The following KLF12 variants were observed in gnomAD, a reference collection of about 807,000 sequenced individuals.
KLF12 encodes the protein KLF transcription factor 12, also known as Krueppel-like factor 12.
A neutral mutation model predicts 37.8 loss-of-function variants in KLF12; 9 were observed. The observed-to-expected ratio is 0.24, with a 90% CI of 0.14 to 0.42. KLF12 has a LOEUF of 0.42. Among genes scored for constraint, KLF12 ranks in the 10% least tolerant of loss-of-function variants. The probability of loss-of-function intolerance (pLI) is 1.00; values close to 1 mark genes in which losing one functional copy is unlikely to be tolerated. For synonymous variants in KLF12, 208 were observed against 202.1 expected (o/e 1.03, Z -0.25); for missense variants, 411 against 516.0 (o/e 0.80, Z 1.97).
the KLF12 span, among the ~76,000 whole-genome samples, chr13:74,253,241 C>T: frequency 2.6e-5 from 4 of 152,078 alleles, no homozygotes; most frequent in African/African-American, 9.7e-5. Context: ...TTAACATTAC[C>T]TATATAGAGG....
At chr13:73,812,552 A>C (rs796224862) in intron 5 of KLF12, among the ~76,000 whole-genome samples, 9 of 142,992 alleles carry the variant, frequency 6.3e-5, no homozygotes, top group African/African-American at 2.7e-4. Context: ...ACAAAAAAAA[A>C]CATGGATTTT....
chr13:74,146,288 C>A, the KLF12 span, among the ~76,000 whole-genome samples: 1 of 152,162 alleles, frequency 6.6e-6, no homozygotes, highest in East Asian at 1.9e-4. Context: ...ATGTTGTTGA[C>A]CTTCACTAAG....
At chr13:74,274,691 T>A in the KLF12 span, among the ~76,000 whole-genome samples, 1 of 152,122 alleles carries the variant, frequency 6.6e-6, no homozygotes, top group Admixed American at 6.6e-5. Context: ...ACTTCTTTTT[T>A]TTTTTATAAT....
At chr13:74,242,724 CT>C in the KLF12 span, among the ~76,000 whole-genome samples, 5 of 152,134 alleles carry the variant, frequency 3.3e-5, no homozygotes, top group Non-Finnish European at 7.4e-5. Flanking sequence ...CTTGAGCATC[CT>C]GCCCAAGGAT....
At chr13:74,132,627 A>T (rs1166559538) in intron 1 of KLF12, among the ~76,000 whole-genome samples, 1 of 152,172 alleles carries the variant, frequency 6.6e-6, no homozygotes, top group Non-Finnish European at 1.5e-5. Flanking sequence ...TTGTATTAAT[A>T]CTCTTTAACT....
intron 7 of KLF12, among the ~76,000 whole-genome samples, chr13:73,701,193 G>A (rs1874528934): frequency 6.6e-6 from 1 of 152,114 alleles, no homozygotes; most frequent in Admixed American, 6.5e-5. Context: ...CCCCTCCCAG[G>A]GCCTGGGCTG....
chr13:73,983,918 G>A (rs1290277146), intron 2 of KLF12, among the ~76,000 whole-genome samples: 1 of 152,226 alleles, frequency 6.6e-6, no homozygotes, highest in Non-Finnish European at 1.5e-5. Flanking sequence ...AGTGAATCCA[G>A]GCAGGTGGTA....
At chr13:73,762,861 T>A (rs888777028) in intron 6 of KLF12, among the ~76,000 whole-genome samples, 1 of 152,192 alleles carries the variant, frequency 6.6e-6, no homozygotes, top group African/African-American at 2.4e-5. Context: ...GCCAGGTGAT[T>A]TATTTCCATA....
At chr13:74,107,044 G>C (rs1232405872) in intron 1 of KLF12, among the ~76,000 whole-genome samples, 2 of 152,192 alleles carry the variant, frequency 1.3e-5, no homozygotes, top group Admixed American at 6.5e-5. Flanking sequence ...GGCACCAGCA[G>C]ATCTGGGGTC....
At chr13:74,274,343 G>A in the KLF12 span, among the ~76,000 whole-genome samples, 1 of 152,098 alleles carries the variant, frequency 6.6e-6, no homozygotes, top group Non-Finnish European at 1.5e-5. Flanking sequence ...ATCAACAAGA[G>A]AAAAATATTG....
At position 73,817,774 on chromosome 13, in the gene KLF12, C is replaced by T. The variant is rs149196349; in HGVS notation, c.671-4487G>A. The stretch of plus-strand genomic sequence containing the variant: ...CTCTGTACCTCACTTCCATTTTCTG[C>T]ATGTCACCTCCTTTTCTTTGGCTAT... On this transcript the variant is annotated intron_variant, in intron 4 of 7. Transcript: ENST00000377669. Among the ~76,000 whole-genome samples the T allele has an allele frequency of 1.6e-3, 250 of 152,342 alleles. 1 individual carries two copies. The highest frequency in any genetic ancestry group is 4.0e-4 in the Non-Finnish European group (27 of 68,028).
the KLF12 span, among the ~76,000 whole-genome samples, chr13:74,287,395 A>AG: frequency 2.0e-4 from 30 of 147,246 alleles, no homozygotes; most frequent in African/African-American, 2.5e-4. Context: ...AGAGAGAGAG[A>AG]ATCCACCTCT....
At chr13:74,002,165 T>G (rs1429513016) in intron 1 of KLF12, among the ~76,000 whole-genome samples, 1 of 152,212 alleles carries the variant, frequency 6.6e-6, no homozygotes, top group Non-Finnish European at 1.5e-5. Flanking sequence ...TTTGTGTATT[T>G]AGATATCATC....
intron 6 of KLF12, among the ~76,000 whole-genome samples, chr13:73,718,918 T>C (rs1876019887): frequency 6.6e-6 from 1 of 152,162 alleles, no homozygotes; most frequent in African/African-American, 2.4e-5. Context: ...TGAAATGTTT[T>C]AGAACATTAT....
At chr13:73,727,998 T>A (rs1469901606) in intron 6 of KLF12, among the ~76,000 whole-genome samples, 3 of 152,194 alleles carry the variant, frequency 2.0e-5, no homozygotes, top group African/African-American at 7.2e-5. Flanking sequence ...TGGCCAGCCA[T>A]CATCGATTTC....
At chr13:73,805,709 GAAGGGGAAA>G (rs1882570760) in intron 5 of KLF12, among the ~76,000 whole-genome samples, 2 of 143,016 alleles carry the variant, frequency 1.4e-5, no homozygotes, top group African/African-American at 5.4e-5. Context: ...AGGAAGGAAG[GAAGGGGAAA>G]AGATTGCAAT....
the KLF12 span, among the ~76,000 whole-genome samples, chr13:74,247,757 C>A: frequency 1.3e-5 from 2 of 152,112 alleles, no homozygotes; most frequent in Admixed American, 1.3e-4. Context: ...CAGGCATGAG[C>A]CATTGCCTCC....
intron 5 of KLF12, among the ~76,000 whole-genome samples, chr13:73,769,957 A>G (rs1423506719): frequency 2.6e-5 from 4 of 152,340 alleles, no homozygotes; most frequent in Middle Eastern, 3.4e-3. Context: ...ATAAGAAATT[A>G]TTATGTACAA....
At chr13:74,038,379 T>G (rs1893313951) in intron 1 of KLF12, among the ~76,000 whole-genome samples, 1 of 152,236 alleles carries the variant, frequency 6.6e-6, no homozygotes. Flanking sequence ...TACTGCTGCC[T>G]AGCATTGCTC....
Sources: gnomAD v4.1 joint callset for allele counts (sites outside exome capture counted in the v4.1 genomes callset) on GRCh38, gnomAD v4.1.1 for gene constraint, MANE v1.5 for transcripts, NCBI Gene and HGNC (gene_info 2026-07-23, HGNC 2026-07-21) for gene names.